The following TBCK variants were observed in gnomAD, a reference collection of about 807,000 sequenced individuals.
TBCK encodes TBC1 domain containing kinase.
A neutral mutation model predicts 113.4 loss-of-function variants in TBCK; 99 were observed. The observed-to-expected ratio is 0.87, with a 90% CI of 0.74 to 1.03. TBCK has a LOEUF of 1.03. TBCK is among the 50% of genes least tolerant of loss of function. The pLI, the probability that TBCK is intolerant of heterozygous loss-of-function variation, is 0.00. For missense variants in TBCK, 1,045 were observed against 1,061.3 expected, an observed-to-expected ratio of 0.98 and a Z score of 0.21; for synonymous variants, 369 against 370.8, an observed-to-expected ratio of 1.00 and a Z score of 0.05.
chr4:106,151,352 C>T (rs903903504), intron 23 of TBCK, among the ~76,000 whole-genome samples: 6 of 151,824 alleles, frequency 4.0e-5, no homozygotes, highest in Non-Finnish European at 7.4e-5. Context: ...CAACACACAC[C>T]CCACCCCCAC....
intron 1 of TBCK, among the ~76,000 whole-genome samples, chr4:106,314,335 A>G (rs1377707560): frequency 6.6e-6 from 1 of 152,220 alleles, no homozygotes; most frequent in Non-Finnish European, 1.5e-5. Flanking sequence ...AAAGTAACCA[A>G]TACAAAAACT....
chr4:106,133,455 G>A (rs1320241659), intron 23 of TBCK, among the ~76,000 whole-genome samples: 2 of 152,052 alleles, frequency 1.3e-5, no homozygotes, highest in Non-Finnish European at 2.9e-5. Context: ...AGTAGATTGA[G>A]AACAGACTAA....
chr4:106,199,226 CA>C (rs1490916209), intron 20 of TBCK, among the ~76,000 whole-genome samples: 1 of 152,124 alleles, frequency 6.6e-6, no homozygotes, highest in Non-Finnish European at 1.5e-5. Flanking sequence ...GGCCAATTCT[CA>C]ATTGCAATCT....
chr4:106,155,355 G>A (rs1425494717), intron 23 of TBCK, among the ~76,000 whole-genome samples: 2 of 152,166 alleles, frequency 1.3e-5, no homozygotes, highest in South Asian at 4.2e-4. Context: ...AAATGTGCTA[G>A]ATGTTCTATA....
intron 19 of TBCK, among the ~76,000 whole-genome samples, chr4:106,219,522 G>A (rs1757421694): frequency 6.6e-6 from 1 of 151,926 alleles, no homozygotes; most frequent in African/African-American, 2.4e-5. Flanking sequence ...AATTCATAGA[G>A]TTCAGTTGAA....
chr4:106,189,080 A>G (rs571006321), intron 22 of TBCK, among the ~76,000 whole-genome samples: 1 of 152,312 alleles, frequency 6.6e-6, no homozygotes, highest in African/African-American at 2.4e-5. Context: ...CACCATGCCA[A>G]TATAAACAAA....
chr4:106,248,726 T>C (rs1215747489), intron 8 of TBCK, among the ~76,000 whole-genome samples, 195 bp downstream of exon 8: 1 of 152,234 alleles, frequency 6.6e-6, no homozygotes, highest in Non-Finnish European at 1.5e-5. Flanking sequence ...CTTGCCCTTC[T>C]GCCTTGTAAG....
chr4:106,270,042 G>A (rs1763336010), intron 3 of TBCK, among the ~76,000 whole-genome samples: 1 of 152,188 alleles, frequency 6.6e-6, no homozygotes, highest in East Asian at 1.9e-4. Flanking sequence ...AGATCAATGA[G>A]CTATCGGCCC....
chr4:106,122,328 G>T (rs1331329671), intron 23 of TBCK, among the ~76,000 whole-genome samples: 1 of 152,112 alleles, frequency 6.6e-6, no homozygotes, highest in Non-Finnish European at 1.5e-5. Context: ...AAACCAGGAA[G>T]AAGTTGAATC....
intron 24 of TBCK, among the ~76,000 whole-genome samples, chr4:106,106,160 T>C (rs909669103): frequency 1.3e-5 from 2 of 151,920 alleles, no homozygotes; most frequent in Admixed American, 1.3e-4. Context: ...AGACTGAATA[T>C]ATGAATCATT....
At chr4:106,223,084 T>A (rs989334198) in intron 19 of TBCK, among the ~76,000 whole-genome samples, 1 of 152,100 alleles carries the variant, frequency 6.6e-6, no homozygotes, top group Non-Finnish European at 1.5e-5. Context: ...ATACAAGATA[T>A]TCTTAAAAAT....
intron 23 of TBCK, among the ~76,000 whole-genome samples, chr4:106,159,201 G>T (rs1352126922): frequency 6.6e-6 from 1 of 152,054 alleles, no homozygotes; most frequent in Non-Finnish European, 1.5e-5. Flanking sequence ...AATGGTGAAA[G>T]GCTGAGAGCT....
intron 20 of TBCK, 22 bp downstream of exon 20, chr4:106,212,728 T>C: frequency 6.6e-7 from 1 of 1,515,374 alleles, no homozygotes; most frequent in Non-Finnish European, 9.1e-7. Flanking sequence ...CCACATGTTC[T>C]ATTAATGCAC....
At chr4:106,064,162 A>G (rs567712622) in intron 25 of TBCK, among the ~76,000 whole-genome samples, 12 of 152,052 alleles carry the variant, frequency 7.9e-5, no homozygotes, top group African/African-American at 2.9e-4. Context: ...AATTAACACA[A>G]TTGGGTTGTT....
At chr4:106,085,942 T>C (rs990022298) in intron 25 of TBCK, among the ~76,000 whole-genome samples, 3 of 152,094 alleles carry the variant, frequency 2.0e-5, no homozygotes, top group African/African-American at 7.2e-5. Flanking sequence ...GAGACACAGT[T>C]AAAGAACTGT....
intron 3 of TBCK, among the ~76,000 whole-genome samples, chr4:106,291,046 T>C (rs1056339922): frequency 1.3e-5 from 2 of 152,278 alleles, no homozygotes; most frequent in Admixed American, 6.5e-5. Context: ...CAAAACCCTA[T>C]CAGTGAGAGG....
At chr4:106,082,107 C>G (rs1354538007) in intron 25 of TBCK, among the ~76,000 whole-genome samples, 2 of 152,112 alleles carry the variant, frequency 1.3e-5, no homozygotes, top group Non-Finnish European at 2.9e-5. Context: ...GATATATACC[C>G]AAAGGATAAT....
intron 25 of TBCK, among the ~76,000 whole-genome samples, chr4:106,091,860 G>A (rs1740287868): frequency 6.6e-6 from 1 of 152,152 alleles, no homozygotes; most frequent in Non-Finnish European, 1.5e-5. Context: ...ACCACATCCT[G>A]CTGATTGGTC....
chr4:106,112,658 T>G (rs1455585484), intron 24 of TBCK, among the ~76,000 whole-genome samples: 1 of 152,210 alleles, frequency 6.6e-6, no homozygotes. Flanking sequence ...GAGCCCACCC[T>G]GTATGCACTT....
Sources: gnomAD v4.1 joint callset for allele counts (sites outside exome capture counted in the v4.1 genomes callset) on GRCh38, gnomAD v4.1.1 for gene constraint, MANE v1.5 for transcripts, NCBI Gene and HGNC (gene_info 2026-07-23, HGNC 2026-07-21) for gene names.